TNKS2: variants seen among roughly 807,000 people sequenced by gnomAD.
TNKS2 encodes poly [ADP-ribose] polymerase tankyrase-2.
In TNKS2, 72 loss-of-function variants were observed where a neutral mutation model predicts 137.6. The ratio of observed to expected loss-of-function variants is 0.52; its 90% CI spans 0.43 to 0.64. The LOEUF (loss-of-function observed/expected upper bound fraction) is 0.64, where lower values mean the gene tolerates loss of function less well. Ranked by LOEUF, TNKS2 falls within the 30% of genes least tolerant of loss-of-function variation. The probability of loss-of-function intolerance (pLI) is 0.00; values close to 1 mark genes in which losing one functional copy is unlikely to be tolerated. For missense variants in TNKS2, 1,049 were observed against 1,410.2 expected (o/e 0.74, Z 4.10); for synonymous variants, 516 against 512.1 (o/e 1.01, Z -0.10).
chr10:91,819,705 C>T (rs1564610199), intron 5 of TNKS2, 148 bp downstream of exon 5: 1 of 776,740 alleles, frequency 1.3e-6, no homozygotes, highest in Admixed American at 3.0e-5. Flanking sequence ...ATTCTTAAGC[C>T]TAGTAAAACT....
rs77146061 is a variant in TNKS2, at chr10:91,852,864, G to A, written c.2815+1528G>A. ...AGAATAAGCTCAATTAAAGGTAGATGTATTTTACTGCCTGATAAGGACTAG... is the reference window on the plus strand; with the variant it reads ...AGAATAAGCTCAATTAAAGGTAGATATATTTTACTGCCTGATAAGGACTAG... On this transcript the variant is annotated intron_variant, in intron 21 of 26. Coordinates refer to ENST00000371627, the MANE Select transcript of TNKS2 (RefSeq NM_025235.4). Among the ~76,000 whole-genome samples, 683 of 152,290 alleles carry A rather than the reference G, an allele frequency of 4.5e-3. 9 individuals carry two copies. The highest frequency in any genetic ancestry group is 0.016 in the African/African-American group (648 of 41,562).
At position 91,798,898 on chromosome 10, in the gene TNKS2, G is replaced by T; in HGVS notation, c.199+9G>T. On this transcript the variant is annotated intron_variant, in intron 1 of 26. Coordinates refer to ENST00000371627, the MANE Select transcript of TNKS2 (RefSeq NM_025235.4). ...GCTGCACTTCGCCGCAGGTAACCGG[G>T]GCCAGCGTCCCCTCGCCTCGCTCCA... 1.2e-5 allele frequency: 16 copies of T among 1,380,190 alleles called. No homozygotes were observed. Among genetic ancestry groups the T allele is most frequent in the Non-Finnish European group, 1.5e-5 (16 of 1,058,288 alleles). The allele number at this position is 1,380,190 out of a possible 1,614,324, so 85.5% of individuals were successfully genotyped here. A position where few individuals can be genotyped will look rare whatever the true frequency, so the allele number is the denominator to read the frequency against.
intron 19 of TNKS2, among the ~76,000 whole-genome samples, chr10:91,849,273 A>G (rs1842471351): frequency 6.6e-6 from 1 of 152,252 alleles, no homozygotes; most frequent in Non-Finnish European, 1.5e-5. Flanking sequence ...TTTTAAAAAT[A>G]TAGATGCAAT....
chr10:91,848,398 G>C lies in TNKS2; in HGVS notation c.2374G>C (p.Ala792Pro), dbSNP rs1300171152. Residue 792 changes from alanine to proline, a missense_variant, in exon 19 of 27, where the codon GCT (alanine) becomes CCT (proline). Ala to Pro is a conservative substitution (Grantham distance 27, BLOSUM62 -1). Transcript: ENST00000371627. The part of the protein sequence containing the change: ...LDLVSADDVS[A>P]LLTAAMPPSA... ...CGTACCCTAGGCGGATGATGTCAGC[G>C]CTCTTCTGACAGCAGCCATGCCCCC... The C allele has an allele frequency of 6.2e-7, 1 of 1,614,116 alleles. No homozygotes were observed. The highest frequency in any genetic ancestry group is 1.1e-5 in the South Asian group (1 of 91,076).
chr10:91,833,833 A>AT lies in TNKS2; in HGVS notation c.1276-14dup, dbSNP rs1841901222. On this transcript the variant is annotated intron_variant, in intron 11 of 26. Coordinates refer to ENST00000371627, the MANE Select transcript of TNKS2 (RefSeq NM_025235.4). The stretch of plus-strand genomic sequence containing the variant: ...AATTTTGCATTGCGGGCTAATTTCA[A>AT]TTTTTTCTGCTTTGTTAAGGTTAAT... 2 of 1,547,620 alleles carry AT rather than the reference A, an allele frequency of 1.3e-6. No individual in the cohort carries two copies. The highest frequency in any genetic ancestry group is 1.7e-6 in the Non-Finnish European group (2 of 1,149,030).
Position 91,864,525 on chromosome 10 carries a change from A to T in TNKS2, c.*1526A>T, listed in dbSNP as rs901194682. 1 of 152,502 alleles carries T rather than the reference A, an allele frequency of 6.6e-6. No homozygotes were observed. The highest frequency in any genetic ancestry group is 2.4e-5 in the African/African-American group (1 of 41,434). The allele number at this position is 152,502 out of a possible 1,614,324, so 9.4% of individuals were successfully genotyped here. A position where few individuals can be genotyped will look rare whatever the true frequency, so the allele number is the denominator to read the frequency against. On this transcript the variant is annotated 3_prime_UTR_variant, in exon 27 of 27. Transcript: ENST00000371627. ...TATTTTACGTTTTATTCAGTCTGTAAATTAACTGGCCCTTTGCAGTAACTT... is the reference window on the plus strand; with the variant it reads ...TATTTTACGTTTTATTCAGTCTGTATATTAACTGGCCCTTTGCAGTAACTT...
Position 91,819,564 on chromosome 10 carries a change from C to A in TNKS2, c.633+7C>A. ...CGCAAGTGATGGCAGAAAGGTACTT[C>A]CTTTTGCAACTGAGTTTGTGCTTAT... On this transcript the variant is annotated splice_region_variant and intron_variant, in intron 5 of 26. Transcript: ENST00000371627. 6.3e-7 allele frequency: 1 copy of A among 1,574,854 alleles called. No individual in the cohort carries two copies. Among genetic ancestry groups the A allele is most frequent in the Non-Finnish European group, 8.6e-7 (1 of 1,166,226 alleles).
intron 25 of TNKS2, among the ~76,000 whole-genome samples, chr10:91,861,493 G>T (rs1589700077): frequency 1.4e-5 from 1 of 69,978 alleles, no homozygotes; most frequent in Non-Finnish European, 3.1e-5. Context: ...AATTACAGAA[G>T]AAACAGGAAG....
intron 18 of TNKS2, 111 bp downstream of exon 18, chr10:91,846,051 T>G: frequency 1.2e-6 from 1 of 814,364 alleles, no homozygotes; most frequent in Non-Finnish European, 1.8e-6. Flanking sequence ...AATCTGGGTT[T>G]TAGCCTGATT....
At chr10:91,847,223 T>C (rs781707205) in intron 18 of TNKS2, among the ~76,000 whole-genome samples, 30 of 152,320 alleles carry the variant, frequency 2.0e-4, no homozygotes, top group Non-Finnish European at 3.2e-4. Flanking sequence ...AACAAATGAC[T>C]ATGAAACAAG....
Position 91,810,935 on chromosome 10 carries a change from T to C in TNKS2, c.200-2048T>C, listed in dbSNP as rs1163329700. On this transcript the variant is annotated intron_variant, in intron 1 of 26. Coordinates refer to ENST00000371627, the MANE Select transcript of TNKS2 (RefSeq NM_025235.4). ...CTTTTCTTTTCTTTTTTTTTTTTTT[T>C]TTTTTTTTGAGATGGAGTCTCACTC... is the stretch of plus-strand genomic sequence containing the variant. Among the ~76,000 whole-genome samples the C allele has an allele frequency of 9.0e-5, 11 of 122,482 alleles. No homozygotes were observed. The East Asian group carries it at 2.7e-3, about 30-fold the overall frequency. The allele number at this position is 122,482 out of a possible 152,430, so 80.4% of individuals were successfully genotyped here.
intron 20 of TNKS2, 109 bp from the exon 21 acceptor site, chr10:91,851,107 T>G: frequency 7.3e-7 from 1 of 1,370,888 alleles, no homozygotes; most frequent in South Asian, 1.3e-5. Flanking sequence ...TAGAAATGTT[T>G]AAAATAATCT....
chr10:91,853,053 T>C (rs1354071773), intron 21 of TNKS2, among the ~76,000 whole-genome samples: 49 of 152,216 alleles, frequency 3.2e-4, no homozygotes, highest in Non-Finnish European at 7.3e-5. Flanking sequence ...TAGACCATCG[T>C]TGTAACTCTA....
intron 1 of TNKS2, among the ~76,000 whole-genome samples, chr10:91,806,170 C>T (rs1408573481): frequency 6.6e-6 from 1 of 150,436 alleles, no homozygotes; most frequent in Non-Finnish European, 1.5e-5. Context: ...CAAATTTATA[C>T]AAAACATATT....
At chr10:91,812,860 G>T in intron 1 of TNKS2, 123 bp from the exon 2 acceptor site, 1 of 1,457,288 alleles carries the variant, frequency 6.9e-7, no homozygotes. Context: ...CCATTAATTA[G>T]TTCTTGAATT....
intron 16 of TNKS2, among the ~76,000 whole-genome samples, chr10:91,844,435 A>G (rs1247751827): frequency 6.6e-6 from 1 of 152,078 alleles, no homozygotes; most frequent in African/African-American, 2.4e-5. Context: ...TCTCTCTAGC[A>G]AAAAAGCATG....
At chr10:91,805,965 G>T (rs990504425) in intron 1 of TNKS2, among the ~76,000 whole-genome samples, 2 of 151,720 alleles carry the variant, frequency 1.3e-5, no homozygotes, top group African/African-American at 4.8e-5. Flanking sequence ...GAAGGCTGAA[G>T]TCAGGGCTAA....
rs1453837801 is a variant in TNKS2, at chr10:91,813,026, T to G, written c.243T>G (p.Gly81=). Residue 81 remains glycine, a synonymous_variant, in exon 2 of 27, where the codon GGT becomes GGG. Coordinates refer to ENST00000371627, the MANE Select transcript of TNKS2 (RefSeq NM_025235.4). ...TAGTTGAATATTTGCTTCAGAATGG[T>G]GCAAATGTCCAAGCACGTGATGATG... ...KDVVEYLLQN[G]ANVQARDDGG... The G allele has an allele frequency of 6.2e-7, 1 of 1,614,082 alleles. No homozygotes were observed. Among genetic ancestry groups the G allele is most frequent in the Non-Finnish European group, 8.5e-7 (1 of 1,180,040 alleles).
At chr10:91,845,161 A>G (rs1193468720) in intron 17 of TNKS2, 133 bp downstream of exon 17, 1 of 680,364 alleles carries the variant, frequency 1.5e-6, no homozygotes, top group Non-Finnish European at 2.5e-6. Context: ...GAAGTTAAAT[A>G]ACTTCCAAAT....
Sources: gnomAD v4.1 joint callset for allele counts (sites outside exome capture counted in the v4.1 genomes callset) on GRCh38, gnomAD v4.1.1 for gene constraint, MANE v1.5 for transcripts, NCBI Gene and HGNC (gene_info 2026-07-23, HGNC 2026-07-21) for gene names.